LMX1A: variants seen among roughly 807,000 people sequenced by gnomAD.
LMX1A encodes the protein LIM homeobox transcription factor 1-alpha.
A neutral mutation model predicts 49.1 loss-of-function variants in LMX1A; 15 were observed. That is an observed-to-expected ratio of 0.31 (90% CI 0.20 to 0.47). The LOEUF (loss-of-function observed/expected upper bound fraction) is 0.47. Ranked by LOEUF, LMX1A falls within the 20% of genes least tolerant of loss-of-function variation. The probability of loss-of-function intolerance (pLI) is 1.00; values close to 1 mark genes in which losing one functional copy is unlikely to be tolerated. For missense variants in LMX1A, 372 were observed against 475.8 expected (o/e 0.78, Z 2.03); for synonymous variants, 167 against 185.7 (o/e 0.90, Z 0.82).
intron 3 of LMX1A, among the ~76,000 whole-genome samples, chr1:165,301,669 T>C (rs1654777766): frequency 1.3e-5 from 2 of 152,106 alleles, no homozygotes; most frequent in Admixed American, 1.3e-4. Flanking sequence ...GACAGCCAGG[T>C]TCCAAGATGT....
At chr1:165,310,418 C>A (rs962139524) in intron 3 of LMX1A, among the ~76,000 whole-genome samples, 6 of 152,144 alleles carry the variant, frequency 3.9e-5, no homozygotes, top group African/African-American at 1.2e-4. Context: ...AATAGAAACT[C>A]ATCAGGTATA....
chr1:165,241,216 C>T (rs1027615319), intron 4 of LMX1A, among the ~76,000 whole-genome samples: 4 of 152,116 alleles, frequency 2.6e-5, no homozygotes, highest in Non-Finnish European at 2.9e-5. Context: ...CCTATCTGTA[C>T]CACCATGAGG....
At chr1:165,250,644 G>GCAGT (rs1377541390) in intron 3 of LMX1A, among the ~76,000 whole-genome samples, 4 of 152,134 alleles carry the variant, frequency 2.6e-5, no homozygotes, top group Non-Finnish European at 5.9e-5. Context: ...CAAGCCAAAA[G>GCAGT]CAGTAAGTGC....
At chr1:165,290,483 T>A (rs1300659240) in intron 3 of LMX1A, among the ~76,000 whole-genome samples, 1 of 151,974 alleles carries the variant, frequency 6.6e-6, no homozygotes, top group African/African-American at 2.4e-5. Flanking sequence ...ATGTCTCTAT[T>A]TATAAAAACC....
At chr1:165,226,268 G>A (rs949765750) in intron 4 of LMX1A, among the ~76,000 whole-genome samples, 1 of 152,182 alleles carries the variant, frequency 6.6e-6, no homozygotes, top group East Asian at 1.9e-4. Flanking sequence ...AAAGGAATCT[G>A]CATCATGATT....
chr1:165,259,212 G>A (rs1162157152), intron 3 of LMX1A, among the ~76,000 whole-genome samples: 1 of 152,140 alleles, frequency 6.6e-6, no homozygotes, highest in African/African-American at 2.4e-5. Context: ...TGTTACTGGA[G>A]AAGACACCAA....
intron 4 of LMX1A, among the ~76,000 whole-genome samples, chr1:165,225,773 C>T (rs550655872): frequency 7.2e-5 from 11 of 152,312 alleles, no homozygotes; most frequent in African/African-American, 2.6e-4. Context: ...GCTGCTGCTG[C>T]TGCTGGTCCA....
Position 165,203,941 on chromosome 1 carries a change from G to A in LMX1A, c.1088C>T (p.Ser363Phe). Residue 363 changes from serine to phenylalanine, a missense_variant, in exon 9 of 9, where the codon TCC becomes TTC. Physicochemically the swap from Ser to Phe is radical, Grantham distance 155. Around this residue, in one of 3 missense-constraint regions of LMX1A, gnomAD observed 127 missense variants for 138.0 expected, o/e 0.92. Transcript: ENST00000342310. ...LATSEAGPLQSRVGNPIDHLY... is the reference protein window; with the variant it reads ...LATSEAGPLQFRVGNPIDHLY... ...ATGGTCAATGGGGTTTCCCACTCTG[G>A]ACTGCAGAGGCCCAGCTTCTGAGGT... is the stretch of plus-strand genomic sequence containing the variant. The A allele has an allele frequency of 6.2e-7, 1 of 1,614,112 alleles. No homozygotes were observed. The highest frequency in any genetic ancestry group is 8.5e-7 in the Non-Finnish European group (1 of 1,179,984).
At chr1:165,218,231 G>T (rs1651713138) in intron 4 of LMX1A, among the ~76,000 whole-genome samples, 1 of 152,212 alleles carries the variant, frequency 6.6e-6, no homozygotes, top group African/African-American at 2.4e-5. Flanking sequence ...TCTGGAGGCA[G>T]GAAACACTGC....
chr1:165,276,281 TC>T (rs1482124270), intron 3 of LMX1A, among the ~76,000 whole-genome samples: 5 of 152,160 alleles, frequency 3.3e-5, no homozygotes, highest in Non-Finnish European at 7.4e-5. Context: ...TGAGACAAGC[TC>T]CTCCTTGTCT....
In LMX1A at chr1:165,351,839, A is replaced by G. The variant is rs541654155; in HGVS notation, c.263+1237T>C. ...TTATTCTCAGTGCTTTTTGTTATACAGAGACTTCTCCCGTTCAGCCCCTCT... is the reference window on the plus strand; with the variant it reads ...TTATTCTCAGTGCTTTTTGTTATACGGAGACTTCTCCCGTTCAGCCCCTCT... On this transcript the variant is annotated intron_variant, in intron 3 of 8. Coordinates refer to ENST00000342310, the MANE Select transcript of LMX1A (RefSeq NM_177398.4). Among the ~76,000 whole-genome samples, 132 of 152,394 alleles carry G rather than the reference A, an allele frequency of 8.7e-4. 1 individual carries two copies. Among genetic ancestry groups the G allele is most frequent in the Middle Eastern group, 3.4e-3 (1 of 294 alleles).
chr1:165,277,614 C>T (rs180779493), intron 3 of LMX1A, among the ~76,000 whole-genome samples: 1 of 152,226 alleles, frequency 6.6e-6, no homozygotes, highest in South Asian at 2.1e-4. Context: ...TCCGTCTTTA[C>T]TCTACCAGCC....
At chr1:165,310,979 C>T (rs186207113) in intron 3 of LMX1A, among the ~76,000 whole-genome samples, 31 of 152,314 alleles carry the variant, frequency 2.0e-4, no homozygotes, top group Admixed American at 2.0e-3. Context: ...ACCATGATGT[C>T]CCCCAGATCT....
chr1:165,260,795 G>A (rs1415319710), intron 3 of LMX1A, among the ~76,000 whole-genome samples: 1 of 152,150 alleles, frequency 6.6e-6, no homozygotes, highest in Non-Finnish European at 1.5e-5. Context: ...GACAATCTGA[G>A]TAAAAATCTC....
intron 2 of LMX1A, among the ~76,000 whole-genome samples, chr1:165,353,863 CA>C (rs1479179738): frequency 5.3e-5 from 8 of 152,112 alleles, no homozygotes; most frequent in Admixed American, 5.2e-4. Context: ...GCATATTGCA[CA>C]TGGGTTTTTG....
At chr1:165,231,820 G>A (rs1652250317) in intron 4 of LMX1A, among the ~76,000 whole-genome samples, 1 of 152,058 alleles carries the variant, frequency 6.6e-6, no homozygotes, top group Admixed American at 6.5e-5. Flanking sequence ...TATAATTTGA[G>A]TATTCTAACA....
At chr1:165,258,003 T>C (rs1218743042) in intron 3 of LMX1A, among the ~76,000 whole-genome samples, 1 of 152,162 alleles carries the variant, frequency 6.6e-6, no homozygotes, top group African/African-American at 2.4e-5. Flanking sequence ...GCACCACCGA[T>C]ATGAGTTTTG....
In LMX1A at chr1:165,355,569, G is replaced by A; in HGVS notation, c.-10C>T. The A allele has an allele frequency of 6.2e-7, 1 of 1,613,094 alleles. No homozygotes were observed. The highest frequency in any genetic ancestry group is 8.5e-7 in the Non-Finnish European group (1 of 1,179,654). ...TTAGGCCGTCCAGCATGTTCGGGCC[G>A]GGCCGGGAGGACCTGTAGAGGAGAA... On this transcript the variant is annotated 5_prime_UTR_variant, in exon 2 of 9. Coordinates refer to ENST00000342310, the MANE Select transcript of LMX1A (RefSeq NM_177398.4). This position sits in a 1 kb window ranked among gnomAD's most constrained non-coding sequence, Gnocchi z 4.7.
At chr1:165,267,972 G>A (rs1653679462) in intron 3 of LMX1A, among the ~76,000 whole-genome samples, 1 of 152,162 alleles carries the variant, frequency 6.6e-6, no homozygotes, top group African/African-American at 2.4e-5. Flanking sequence ...TCAAAAGATT[G>A]TTTTTAATGA....
Sources: gnomAD v4.1 joint callset for allele counts (sites outside exome capture counted in the v4.1 genomes callset) on GRCh38, gnomAD v4.1.1 for gene constraint, gnomAD v4.1.1 regional missense constraint, Gnocchi (gnomAD v3.1) non-coding constraint, MANE v1.5 for transcripts, NCBI Gene and HGNC (gene_info 2026-07-23, HGNC 2026-07-21) for gene names.